Variants in NHSL1 observed in about 807,000 individuals in gnomAD.
NHSL1 encodes the protein NHS like 1.
In NHSL1, 48 loss-of-function variants were observed where a neutral mutation model predicts 95.0. That is an observed-to-expected ratio of 0.51 (90% confidence interval 0.40 to 0.64). The LOEUF (loss-of-function observed/expected upper bound fraction) is 0.64, where lower values mean the gene tolerates loss of function less well. Among genes scored for constraint, NHSL1 ranks in the 30% least tolerant of loss-of-function variants. NHSL1 has a pLI of 0.00. For synonymous variants in NHSL1, 783 were observed against 833.9 expected (o/e 0.94, Z 1.05); for missense variants, 1,971 against 2,077.7 (o/e 0.95, Z 1.00).
intron 1 of NHSL1, among the ~76,000 whole-genome samples, chr6:138,583,600 G>C (rs1784092345): frequency 6.6e-6 from 1 of 152,162 alleles, no homozygotes; most frequent in Admixed American, 6.5e-5. Context: ...TGAGGCTTCT[G>C]TCACTGTGTG....
At chr6:138,594,199 A>G (rs1784270397) in intron 1 of NHSL1, among the ~76,000 whole-genome samples, 1 of 152,196 alleles carries the variant, frequency 6.6e-6, no homozygotes, top group South Asian at 2.1e-4. Context: ...CTTCTAAGCA[A>G]CAGAGAAAGG....
rs560224016 is a variant in NHSL1 at position 138,484,913 on chromosome 6, T to G, written c.211+11306A>C. ...GCAGAAAACCAGCTTTTAACATTTC[T>G]TCTTGTCACATGCCCAGATTAATTT... is the stretch of plus-strand genomic sequence containing the variant. On this transcript the variant is annotated intron_variant, in intron 2 of 7. Transcript: ENST00000343505. Among the ~76,000 whole-genome samples, 10 of 152,356 alleles carry G rather than the reference T, an allele frequency of 6.6e-5. No homozygotes were observed. In the South Asian group the frequency reaches 1.9e-3, roughly 28 times the overall value.
At chr6:138,502,476 C>T (rs149444020), upstream of NHSL1, among the ~76,000 whole-genome samples, 39 of 148,406 alleles carry the variant, frequency 2.6e-4, no homozygotes, top group Non-Finnish European at 4.8e-4. Context: ...ATGACAGTGG[C>T]GGAAAAAAAA....
chr6:138,623,977 T>G (rs1784701349), intron 1 of NHSL1, among the ~76,000 whole-genome samples: 1 of 152,132 alleles, frequency 6.6e-6, no homozygotes, highest in South Asian at 2.1e-4. Context: ...CTTCTTTGCC[T>G]TCCACCATGA....
chr6:138,444,892 G>A (rs1776763360), intron 4 of NHSL1, among the ~76,000 whole-genome samples: 1 of 152,108 alleles, frequency 6.6e-6, no homozygotes, highest in Admixed American at 6.6e-5. Context: ...TACGTGATTA[G>A]GTATTATATT....
chr6:138,660,597 C>T (rs966256587), intron 1 of NHSL1, among the ~76,000 whole-genome samples: 7 of 150,738 alleles, frequency 4.6e-5, no homozygotes, highest in Middle Eastern at 3.4e-3. Context: ...GCCGAGATCG[C>T]GCCACTGCAC....
At chr6:138,493,563 C>T (rs1297451523) in intron 2 of NHSL1, among the ~76,000 whole-genome samples, 1 of 152,226 alleles carries the variant, frequency 6.6e-6, no homozygotes, top group East Asian at 1.9e-4. Flanking sequence ...ACTATTCAAA[C>T]TCACACATAC....
upstream of NHSL1, among the ~76,000 whole-genome samples, chr6:138,550,095 C>T (rs919805119): frequency 2.0e-5 from 3 of 152,100 alleles, no homozygotes; most frequent in Non-Finnish European, 4.4e-5. Flanking sequence ...TAAAATGAGC[C>T]AGGTGTGGTG....
At chr6:138,540,405 C>CTGATAGCTTATTATTATCTGAT in intron 1 of NHSL1, among the ~76,000 whole-genome samples, 1 of 152,142 alleles carries the variant, frequency 6.6e-6, no homozygotes, top group Non-Finnish European at 1.5e-5. Context: ...AGCTTATTAC[C>CTGATAGCTTATTATTATCTGAT]AGATTTAAGA....
At chr6:138,503,221 C>A (rs993347492), upstream of NHSL1, among the ~76,000 whole-genome samples, 1 of 152,196 alleles carries the variant, frequency 6.6e-6, no homozygotes, top group South Asian at 2.1e-4. Flanking sequence ...TCTTGATCCT[C>A]TTCATTGACA....
At position 138,442,413 on chromosome 6, in the gene NHSL1, A is replaced by G. The variant is rs76192817; in HGVS notation, c.533-299T>C. Among the ~76,000 whole-genome samples, 43 of 152,288 alleles carry G rather than the reference A, an allele frequency of 2.8e-4. No homozygotes were observed. The East Asian group carries it at 8.1e-3, about 29-fold the overall frequency. ...TCACTCTGTGTTATTTAACAAAACA[A>G]AATTTTGGAAGTGTTTCAAATATAT... On this transcript the variant is annotated intron_variant, in intron 4 of 7. Coordinates refer to ENST00000343505, the MANE Select transcript of NHSL1 (RefSeq NM_001144060.2).
At chr6:138,609,355 T>TG (rs1784476999) in intron 1 of NHSL1, among the ~76,000 whole-genome samples, 1 of 152,182 alleles carries the variant, frequency 6.6e-6, no homozygotes, top group African/African-American at 2.4e-5. Context: ...AATGCACCGC[T>TG]GGGGCTCACG....
intron 1 of NHSL1, among the ~76,000 whole-genome samples, chr6:138,619,818 T>C (rs1212110651): frequency 2.6e-5 from 4 of 151,838 alleles, no homozygotes; most frequent in Non-Finnish European, 5.9e-5. Context: ...CGTGGGGGCA[T>C]ATGCCTGTAG....
intron 1 of NHSL1, among the ~76,000 whole-genome samples, chr6:138,557,850 G>C (rs1168744280): frequency 6.6e-6 from 1 of 152,176 alleles, no homozygotes; most frequent in Non-Finnish European, 1.5e-5. Flanking sequence ...CACTCCCACA[G>C]AACTATCCTT....
intron 1 of NHSL1, among the ~76,000 whole-genome samples, chr6:138,607,674 T>C (rs904305280): frequency 8.5e-5 from 13 of 152,208 alleles, no homozygotes; most frequent in African/African-American, 3.1e-4. Flanking sequence ...GCCTCATACA[T>C]GCAAGGACCG....
chr6:138,660,532 C>T (rs541959537), intron 1 of NHSL1, among the ~76,000 whole-genome samples: 31 of 151,894 alleles, frequency 2.0e-4, no homozygotes, highest in African/African-American at 6.8e-4. Flanking sequence ...GAAATACCAC[C>T]ACCAAGGCTG....
intron 3 of NHSL1, among the ~76,000 whole-genome samples, chr6:138,461,276 T>C (rs1777978368): frequency 6.6e-6 from 1 of 152,188 alleles, no homozygotes; most frequent in Admixed American, 6.5e-5. Context: ...GCTAAAGATA[T>C]ACATTTAGGA....
chr6:138,623,457 T>A (rs1267828753), intron 1 of NHSL1, among the ~76,000 whole-genome samples: 1 of 152,194 alleles, frequency 6.6e-6, no homozygotes, highest in Non-Finnish European at 1.5e-5. Flanking sequence ...TTTTGATATA[T>A]GTATATATTA....
intron 1 of NHSL1, among the ~76,000 whole-genome samples, chr6:138,628,712 C>A (rs1784777058): frequency 6.6e-6 from 1 of 152,194 alleles, no homozygotes. Flanking sequence ...TGCACCACTG[C>A]ACTGCAACCT....
Sources: gnomAD v4.1 joint callset for allele counts (sites outside exome capture counted in the v4.1 genomes callset) on GRCh38, gnomAD v4.1.1 for gene constraint, MANE v1.5 for transcripts, NCBI Gene and HGNC (gene_info 2026-07-23, HGNC 2026-07-21) for gene names.